DDX59: variants seen among roughly 807,000 people sequenced by gnomAD.
DDX59 encodes the protein probable ATP-dependent RNA helicase DDX59.
Under a neutral mutation model 51.9 loss-of-function variants are expected in DDX59, and 30 were observed. That is an observed-to-expected ratio of 0.58 (90% CI 0.43 to 0.78). The LOEUF (loss-of-function observed/expected upper bound fraction) is 0.78. DDX59 is among the 30% of genes least tolerant of loss of function. The pLI is 0.00. For missense variants in DDX59, 672 were observed against 730.8 expected, an observed-to-expected ratio of 0.92 and a Z score of 0.93; for synonymous variants, 255 against 253.3, an observed-to-expected ratio of 1.01 and a Z score of -0.06.
At chr1:200,667,945 AC>A (rs1662884747) in intron 1 of DDX59, among the ~76,000 whole-genome samples, 1 of 152,150 alleles carries the variant, frequency 6.6e-6, no homozygotes, top group Non-Finnish European at 1.5e-5. Flanking sequence ...TAATGAAAAA[AC>A]GTGTGTGTGT....
intron 3 of DDX59, among the ~76,000 whole-genome samples, chr1:200,661,649 T>C (rs1226807991): frequency 6.6e-6 from 1 of 152,188 alleles, no homozygotes; most frequent in Non-Finnish European, 1.5e-5. Flanking sequence ...TTGAAGGAGA[T>C]GACAAAGACA....
In DDX59 at chr1:200,663,903, T is replaced by C; in HGVS notation, c.972+16A>G. 1 of 1,558,580 alleles carries C rather than the reference T, an allele frequency of 6.4e-7. No homozygotes were observed. Among genetic ancestry groups the C allele is most frequent in the Non-Finnish European group, 8.7e-7 (1 of 1,155,766 alleles). ...TACAAAACTTTTCAAAGACATTGTA[T>C]CAAATCAGTGCTTACCTTAACATGT... On this transcript the variant is annotated intron_variant, in intron 3 of 7. Transcript: ENST00000331314.
At chr1:200,647,309 A>G (rs1402290046) in intron 7 of DDX59, among the ~76,000 whole-genome samples, 1 of 152,234 alleles carries the variant, frequency 6.6e-6, no homozygotes, top group African/African-American at 2.4e-5. Flanking sequence ...CAAAGAAAAG[A>G]AAGAAAACTT....
Position 200,656,882 on chromosome 1 carries a change from C to T in DDX59, c.1062+2145G>A, listed in dbSNP as rs149758825. On this transcript the variant is annotated intron_variant, in intron 4 of 7. Transcript: ENST00000331314. ...CAGCCTGGGCAACATAGCAAGACCCCGTCTCTAAACAAATTTTAAAAACAA... is the reference window on the plus strand; with the variant it reads ...CAGCCTGGGCAACATAGCAAGACCCTGTCTCTAAACAAATTTTAAAAACAA... Among the ~76,000 whole-genome samples, 121 of 151,978 alleles carry T rather than the reference C, an allele frequency of 8.0e-4. No homozygotes were observed. In the South Asian group the frequency reaches 1.0e-2, roughly 13 times the overall value.
chr1:200,655,696 T>C (rs1661976175), intron 4 of DDX59, among the ~76,000 whole-genome samples: 1 of 152,204 alleles, frequency 6.6e-6, no homozygotes. Context: ...GTTTTCTCAA[T>C]CTTTTTCCAT....
At chr1:200,662,001 C>T (rs1662406793) in intron 3 of DDX59, among the ~76,000 whole-genome samples, 1 of 152,172 alleles carries the variant, frequency 6.6e-6, no homozygotes, top group African/African-American at 2.4e-5. Context: ...CACTCTCTTT[C>T]TTCCTCCTGC....
chr1:200,650,463 C>T lies in DDX59; in HGVS notation c.1276G>A (p.Asp426Asn). 1 of 1,613,622 alleles carries T rather than the reference C, an allele frequency of 6.2e-7. No individual in the cohort carries two copies. Among genetic ancestry groups the T allele is most frequent in the East Asian group, 2.2e-5 (1 of 44,848 alleles). Residue 426 changes from aspartate to asparagine, a missense_variant, in exon 5 of 8, where the codon GAC becomes AAC. Coordinates refer to ENST00000331314, the MANE Select transcript of DDX59 (RefSeq NM_001031725.6). ...AATAATTTTTTCTTTTTGGCTGGGT[C>T]TTCTACCCACAAAATAATCTGACGT... ...NVRQIILWVE[D>N]PAKKKKLFEI...
rs776788636 is a variant in DDX59 at position 200,644,294 on chromosome 1, T to C, written c.1820A>G (p.Asp607Gly). The C allele has an allele frequency of 1.5e-5, 23 of 1,585,806 alleles. No homozygotes were observed. The highest frequency in any genetic ancestry group is 1.8e-5 in the Admixed American group (1 of 54,266). The change falls in exon 8 of 8, where the codon GAT becomes GGT. Residue 607 changes from aspartate (D) to glycine (G), a missense_variant. Physicochemically the swap from Asp to Gly is moderately conservative, Grantham distance 94 (BLOSUM62 -1). Coordinates refer to ENST00000331314, the MANE Select transcript of DDX59 (RefSeq NM_001031725.6). Reference sequence around the variant, plus strand: ...ACTTTTATCATGTTTTCTGATAATATCCATAAGATTAGCTCCTGTAACCAG... The same window carrying C: ...ACTTTTATCATGTTTTCTGATAATACCCATAAGATTAGCTCCTGTAACCAG... ...NDLVTGANLM[D>G]IIRKHDKSNS...
At chr1:200,643,146 A>AT (rs1558109675), downstream of DDX59, among the ~76,000 whole-genome samples, 1 of 126,218 alleles carries the variant, frequency 7.9e-6, no homozygotes, top group African/African-American at 2.8e-5. Context: ...CCTGAGCAAC[A>AT]TAGTGAGACA....
rs1289769263 is a variant in DDX59 at position 200,644,444 on chromosome 1, A to C, written c.1670T>G (p.Phe557Cys). The C allele has an allele frequency of 1.2e-6, 2 of 1,612,982 alleles. No individual in the cohort carries two copies. The highest frequency in any genetic ancestry group is 1.7e-6 in the Non-Finnish European group (2 of 1,179,606). Residue 557 changes from phenylalanine (F) to cysteine (C), a missense_variant, in exon 8 of 8, where the codon TTC becomes TGC. Transcript: ENST00000331314. ...CTTTACTCGTTTTGCAATATCCCAG[A>C]AGAGTCTTTTTGAATTATTATTGAT... ...TFINNNSKRL[F>C]WDIAKRVKPT...
intron 6 of DDX59, among the ~76,000 whole-genome samples, chr1:200,648,872 T>C (rs1661466260): frequency 1.3e-5 from 2 of 152,186 alleles, no homozygotes; most frequent in Admixed American, 6.5e-5. Context: ...ATTTAGTATA[T>C]ATTCCCTAGA....
Position 200,649,171 on chromosome 1 carries a change from G to A in DDX59, c.1370C>T (p.Ala457Val), listed in dbSNP as rs1465768021. ...CTGAACGGCTTCACTCAAAAGATCTGCTCCTAGTTTGCAGTCCACAAATAC... is the reference window on the plus strand; with the variant it reads ...CTGAACGGCTTCACTCAAAAGATCTACTCCTAGTTTGCAGTCCACAAATAC... The part of the protein sequence containing the change: ...VLVFVDCKLG[A>V]DLLSEAVQKI... The change falls in exon 6 of 8, where the codon GCA (alanine) becomes GTA (valine). Residue 457 changes from alanine to valine, a missense_variant. Transcript: ENST00000331314. 3.8e-6 allele frequency: 6 copies of A among 1,598,672 alleles called. No individual in the cohort carries two copies. The East Asian group carries it at 1.4e-4, about 36-fold the overall frequency.
Position 200,666,166 on chromosome 1 carries a change from A to G in DDX59, c.575T>C (p.Leu192Ser). The change falls in exon 2 of 8, where the codon TTA (leucine) becomes TCA (serine). Residue 192 changes from leucine (L) to serine (S), a missense_variant. Transcript: ENST00000331314. ...IENLKQQLGI[L>S]VQGQEVTRPI... Reference sequence around the variant, plus strand: ...CCTGGTGACTTCTTGCCCTTGAACTAAAATTCCCAGCTGCTGTTTAAGATT... The same window carrying G: ...CCTGGTGACTTCTTGCCCTTGAACTGAAATTCCCAGCTGCTGTTTAAGATT... 4 of 1,614,200 alleles carry G rather than the reference A, an allele frequency of 2.5e-6. No homozygotes were observed. Among genetic ancestry groups the G allele is most frequent in the Non-Finnish European group, 3.4e-6 (4 of 1,180,040 alleles).
Position 200,669,784 on chromosome 1 carries a change from C to G in DDX59, c.-29G>C, listed in dbSNP as rs918077707. 6.6e-6 allele frequency: 1 copy of G among 152,666 alleles called. No individual in the cohort carries two copies. The highest frequency in any genetic ancestry group is 1.5e-5 in the Non-Finnish European group (1 of 68,442). The allele number at this position is 152,666 out of a possible 1,614,324, so 9.5% of individuals were successfully genotyped here. ...ACGCTCACCCGCGCAGGACTGAGGC[C>G]GCGTCCGCTCCCGCTCCCGCTCGGG... On this transcript the variant is annotated 5_prime_UTR_variant, in exon 1 of 8. Coordinates refer to ENST00000331314, the MANE Select transcript of DDX59 (RefSeq NM_001031725.6).
At position 200,666,306 on chromosome 1, in the gene DDX59, TTTCTC is replaced by T. The variant is rs780642523; in HGVS notation, c.430_434del (p.Glu144IlefsTer10). On this transcript the variant is annotated frameshift_variant, in exon 2 of 8. Coordinates refer to ENST00000331314, the MANE Select transcript of DDX59 (RefSeq NM_001031725.6). LOFTEE classifies it high-confidence loss of function. ...CCTTCTGTGGATTGCTGAGTTTTGA[TTTCTC>T]TTCCTTTTCCTTAACTTGTAGAAGA... is the stretch of plus-strand genomic sequence containing the variant. The T allele has an allele frequency of 6.2e-7, 1 of 1,614,074 alleles. No individual in the cohort carries two copies. The highest frequency in any genetic ancestry group is 1.3e-5 in the African/African-American group (1 of 74,906).
intron 7 of DDX59, among the ~76,000 whole-genome samples, 191 bp downstream of exon 7, chr1:200,648,248 T>C (rs1661420784): frequency 1.3e-5 from 2 of 152,014 alleles, no homozygotes; most frequent in African/African-American, 2.4e-5. Context: ...GGTTGGTCTG[T>C]GAACCCCTAA....
chr1:200,664,509 T>C (rs1662585961), intron 2 of DDX59, among the ~76,000 whole-genome samples: 1 of 152,228 alleles, frequency 6.6e-6, no homozygotes, highest in Non-Finnish European at 1.5e-5. Context: ...TTTGTCCATA[T>C]AACTTACATA....
chr1:200,660,690 T>C (rs1479771965), intron 3 of DDX59, among the ~76,000 whole-genome samples: 2 of 152,208 alleles, frequency 1.3e-5, no homozygotes, highest in African/African-American at 4.8e-5. Flanking sequence ...CATGAACTCA[T>C]AGTCTCATGG....
intron 4 of DDX59, 139 bp downstream of exon 4, chr1:200,658,888 C>T (rs1662199821): frequency 1.6e-6 from 1 of 634,342 alleles, no homozygotes; most frequent in Non-Finnish European, 2.7e-6. Context: ...TACACAGGAA[C>T]CTGCTGCAAT....
Sources: gnomAD v4.1 joint callset for allele counts (sites outside exome capture counted in the v4.1 genomes callset) on GRCh38, gnomAD v4.1.1 for gene constraint, MANE v1.5 for transcripts, NCBI Gene and HGNC (gene_info 2026-07-23, HGNC 2026-07-21) for gene names.